ELF5: variants seen among roughly 807,000 people sequenced by gnomAD.
ELF5 encodes the protein E74 like ETS transcription factor 5, also known as ETS-related transcription factor Elf-5.
Under a neutral mutation model 38.2 loss-of-function variants are expected in ELF5, and 31 were observed. That is an observed-to-expected ratio of 0.81 (90% CI 0.61 to 1.10). The LOEUF is 1.10. Ranked by LOEUF, ELF5 falls within the 50% of genes least tolerant of loss-of-function variation. The probability of loss-of-function intolerance (pLI) is 0.00; values close to 1 mark genes in which losing one functional copy is unlikely to be tolerated. For missense variants in ELF5, 300 were observed against 306.6 expected (o/e 0.98, Z 0.16); for synonymous variants, 121 against 112.5 (o/e 1.08, Z -0.48).
Position 34,505,655 on chromosome 11 carries a change from T to G in ELF5, c.95A>C (p.Tyr32Ser), listed in dbSNP as rs1356325883. 1.9e-6 allele frequency: 3 copies of G among 1,613,910 alleles called. No homozygotes were observed. The African/African-American group carries it at 4.0e-5, about 22-fold the overall frequency. ...TGTCTGATGCTCAAAGGCAGGGTAGTACTCTTCATTGCTGAACAGATCAGT... is the reference window on the plus strand; with the variant it reads ...TGTCTGATGCTCAAAGGCAGGGTAGGACTCTTCATTGCTGAACAGATCAGT... ...SWTDLFSNEEYYPAFEHQTAC... is the reference protein window; with the variant it reads ...SWTDLFSNEESYPAFEHQTAC... The change falls in exon 2 of 7, where the codon TAC becomes TCC. Residue 32 changes from tyrosine to serine, a missense_variant. Coordinates refer to ENST00000257832, the MANE Select transcript of ELF5 (RefSeq NM_001422.4).
At chr11:34,495,584 C>T (rs1367775668) in intron 2 of ELF5, among the ~76,000 whole-genome samples, 2 of 152,310 alleles carry the variant, frequency 1.3e-5, no homozygotes, top group African/African-American at 2.4e-5. Context: ...CTTTTACCAC[C>T]GAAGGGTGGG....
At chr11:34,495,999 G>A (rs902767269) in intron 2 of ELF5, among the ~76,000 whole-genome samples, 3 of 150,588 alleles carry the variant, frequency 2.0e-5, no homozygotes, top group African/African-American at 4.9e-5. Context: ...GTGTGCGGCC[G>A]TCGGAGGGCA....
chr11:34,503,540 C>T (rs1850527876), intron 2 of ELF5, among the ~76,000 whole-genome samples: 1 of 152,050 alleles, frequency 6.6e-6, no homozygotes, highest in South Asian at 2.1e-4. Flanking sequence ...CCTCGGCCTT[C>T]CGGGCTCAAG....
chr11:34,496,498 T>C (rs1489746801), intron 2 of ELF5, among the ~76,000 whole-genome samples: 1 of 152,206 alleles, frequency 6.6e-6, no homozygotes, highest in East Asian at 1.9e-4. Context: ...TGCTCTTCTC[T>C]TTCAGGAGGC....
In ELF5 at chr11:34,493,573, C is replaced by T; in HGVS notation, c.261G>A (p.Leu87=). ...ISFCNFNISG[L]QLCSMTQEEF... The stretch of plus-strand genomic sequence containing the variant: ...CCTCCTGTGTCATGCTGCACAGCTG[C>T]AGGCCACTGATGTTGAAGTTGCAGA... The change falls in exon 3 of 7, where the codon CTG becomes CTA. Residue 87 remains leucine, a synonymous_variant. Transcript: ENST00000257832. 1.2e-6 allele frequency: 2 copies of T among 1,614,228 alleles called. No homozygotes were observed. The highest frequency in any genetic ancestry group is 1.7e-6 in the Non-Finnish European group (2 of 1,180,038).
chr11:34,487,228 G>A (rs1850022451), intron 4 of ELF5, among the ~76,000 whole-genome samples: 1 of 152,148 alleles, frequency 6.6e-6, no homozygotes, highest in African/African-American at 2.4e-5. Flanking sequence ...AGCCTCTGGG[G>A]CTGGCTCTCA....
chr11:34,505,707 A>C lies in ELF5; in HGVS notation c.43T>G (p.Ser15Ala). ...CACGACATCAGGGGATCGCAGAAGGATGCATTAGGCAGGAAGGTGCTGTGT... is the reference window on the plus strand; with the variant it reads ...CACGACATCAGGGGATCGCAGAAGGCTGCATTAGGCAGGAAGGTGCTGTGT... ...VTHSTFLPNA[S>A]FCDPLMSWTD... Residue 15 changes from serine (S) to alanine (A), a missense_variant, in exon 2 of 7, where the codon TCC (serine) becomes GCC (alanine). Physicochemically the swap from Ser to Ala is moderately conservative, Grantham distance 99. Transcript: ENST00000257832. 6.2e-7 allele frequency: 1 copy of C among 1,614,114 alleles called. No homozygotes were observed. Among genetic ancestry groups the C allele is most frequent in the Non-Finnish European group, 8.5e-7 (1 of 1,179,998 alleles).
intron 4 of ELF5, among the ~76,000 whole-genome samples, chr11:34,483,738 T>C (rs567169158): frequency 6.6e-6 from 1 of 152,116 alleles, no homozygotes; most frequent in Admixed American, 6.5e-5. Flanking sequence ...TACTATACTA[T>C]ACTACACCAA....
chr11:34,502,622 G>T (rs958348971), intron 2 of ELF5, among the ~76,000 whole-genome samples: 3 of 152,240 alleles, frequency 2.0e-5, no homozygotes, highest in African/African-American at 7.2e-5. Flanking sequence ...ACCCAACTTC[G>T]ACCTTTTGGA....
chr11:34,498,099 T>C (rs745931008), intron 2 of ELF5, among the ~76,000 whole-genome samples: 2 of 152,196 alleles, frequency 1.3e-5, no homozygotes, highest in Non-Finnish European at 2.9e-5. Flanking sequence ...CCCTTCAAAG[T>C]TGAAAGGGCA....
chr11:34,501,902 G>T (rs748869139), intron 2 of ELF5, among the ~76,000 whole-genome samples: 2 of 152,080 alleles, frequency 1.3e-5, no homozygotes, highest in African/African-American at 2.4e-5. Flanking sequence ...TGTCTAGAAG[G>T]CACATCATTT....
At chr11:34,491,735 C>T (rs541502587) in intron 3 of ELF5, 2 of 152,094 alleles carry the variant, frequency 1.3e-5, no homozygotes, top group African/African-American at 4.8e-5. Flanking sequence ...CACCACCATG[C>T]CTGTCTAATT....
At position 34,480,863 on chromosome 11, in the gene ELF5, G is replaced by A. The variant is rs759245139; in HGVS notation, c.580C>T (p.Arg194Trp). 9.9e-6 allele frequency: 16 copies of A among 1,613,932 alleles called. No homozygotes were observed. The highest frequency in any genetic ancestry group is 2.2e-5 in the East Asian group (1 of 44,884). Reference sequence around the variant, plus strand: ...GCCAGGGCTTCCGATTTAACCACCCGAAAAATTCCTTGTTCCCTATCTTCC... The same window carrying A: ...GCCAGGGCTTCCGATTTAACCACCCAAAAAATTCCTTGTTCCCTATCTTCC... The part of the protein sequence containing the change: ...EWEDREQGIF[R>W]VVKSEALAKM... The change falls in exon 6 of 7, where the codon CGG becomes TGG. Residue 194 changes from arginine to tryptophan, a missense_variant. Arg to Trp is a moderately radical substitution (Grantham distance 101). Coordinates refer to ENST00000257832, the MANE Select transcript of ELF5 (RefSeq NM_001422.4).
At chr11:34,481,466 G>A (rs369082860) in intron 5 of ELF5, among the ~76,000 whole-genome samples, 2 of 152,148 alleles carry the variant, frequency 1.3e-5, no homozygotes, top group African/African-American at 2.4e-5. Context: ...GTCTCCCATC[G>A]AAGCAATTGT....
intron 4 of ELF5, among the ~76,000 whole-genome samples, chr11:34,485,588 C>T (rs1849970548): frequency 6.6e-6 from 1 of 152,158 alleles, no homozygotes. Context: ...GGGGATCTGG[C>T]TTGGTAGGAG....
At chr11:34,487,071 C>A (rs1850016177) in intron 4 of ELF5, among the ~76,000 whole-genome samples, 1 of 152,180 alleles carries the variant, frequency 6.6e-6, no homozygotes, top group Non-Finnish European at 1.5e-5. Context: ...TTCATACCTC[C>A]CCTTGTGCCC....
chr11:34,491,955 A>G (rs764093059), intron 3 of ELF5: 1 of 152,230 alleles, frequency 6.6e-6, no homozygotes, highest in Non-Finnish European at 1.5e-5. Context: ...AGATGCCAGC[A>G]CAGGGGCTGC....
intron 2 of ELF5, among the ~76,000 whole-genome samples, chr11:34,493,976 A>G (rs1850250284): frequency 1.3e-5 from 2 of 152,204 alleles, no homozygotes; most frequent in African/African-American, 4.8e-5. Context: ...GATGCTCAAA[A>G]AAAAAGGCAT....
intron 4 of ELF5, among the ~76,000 whole-genome samples, chr11:34,487,964 C>T (rs1045370299): frequency 3.3e-5 from 5 of 152,130 alleles, no homozygotes; most frequent in South Asian, 2.1e-4. Context: ...TGTTCCACCT[C>T]GTGACCTCCG....
Sources: allele counts gnomAD v4.1 joint callset (sites outside exome capture counted in the v4.1 genomes callset), GRCh38; gene constraint gnomAD v4.1.1; transcripts MANE v1.5; gene names NCBI Gene and HGNC (gene_info 2026-07-23, HGNC 2026-07-21).